CNTN5: variants seen among roughly 807,000 people sequenced by gnomAD.
The protein encoded by CNTN5 is contactin 5.
A neutral mutation model predicts 129.1 loss-of-function variants in CNTN5; 77 were observed. The observed-to-expected ratio is 0.60, with a 90% CI of 0.50 to 0.72. The LOEUF (loss-of-function observed/expected upper bound fraction) is 0.72. CNTN5 is among the 30% of genes least tolerant of loss of function. The probability of loss-of-function intolerance (pLI) is 0.00; values close to 1 mark genes in which losing one functional copy is unlikely to be tolerated. For missense variants in CNTN5, 1,478 were observed against 1,328.8 expected, an observed-to-expected ratio of 1.11 and a Z score of -1.75; for synonymous variants, 509 against 465.6, an observed-to-expected ratio of 1.09 and a Z score of -1.20.
chr11:99,381,076 T>C (rs1414355026), intron 2 of CNTN5, among the ~76,000 whole-genome samples: 2 of 152,158 alleles, frequency 1.3e-5, no homozygotes, highest in East Asian at 3.9e-4. Flanking sequence ...GATATCAGTA[T>C]GGTGCCCAAG....
intron 9 of CNTN5, among the ~76,000 whole-genome samples, chr11:100,057,033 G>C (rs1225635897): frequency 6.6e-6 from 1 of 151,440 alleles, no homozygotes; most frequent in Non-Finnish European, 1.5e-5. Flanking sequence ...GTTCCTGAAA[G>C]TAGAAAGTGT....
chr11:99,592,304 A>T (rs1950002598), intron 3 of CNTN5, among the ~76,000 whole-genome samples: 1 of 152,222 alleles, frequency 6.6e-6, no homozygotes, highest in African/African-American at 2.4e-5. Context: ...TTCCTATAAA[A>T]TCTGCAGATA....
At chr11:100,328,281 AG>A (rs1565431362) in intron 21 of CNTN5, among the ~76,000 whole-genome samples, 1 of 152,104 alleles carries the variant, frequency 6.6e-6, no homozygotes, top group Non-Finnish European at 1.5e-5. Context: ...ACTCTAGCCT[AG>A]GAGATCCAGG....
At chr11:99,600,839 T>C (rs955807707) in intron 3 of CNTN5, among the ~76,000 whole-genome samples, 1 of 152,184 alleles carries the variant, frequency 6.6e-6, no homozygotes, top group African/African-American at 2.4e-5. Flanking sequence ...ACACATAGGA[T>C]GACATTTTCA....
chr11:99,357,183 ATATGCGC>A (rs1461091147), intron 2 of CNTN5, among the ~76,000 whole-genome samples: 9 of 151,840 alleles, frequency 5.9e-5, no homozygotes, highest in Non-Finnish European at 1.0e-4. Context: ...GAACTCACAG[ATATGCGC>A]TTTTAAATTC....
intron 3 of CNTN5, among the ~76,000 whole-genome samples, chr11:99,731,758 A>G (rs1041784713): frequency 2.0e-5 from 3 of 152,158 alleles, no homozygotes; most frequent in African/African-American, 4.8e-5. Context: ...ACTAGAGTAG[A>G]TGCCTTAGAA....
chr11:99,044,154 G>A (rs893274829), intron 1 of CNTN5, among the ~76,000 whole-genome samples: 2 of 152,086 alleles, frequency 1.3e-5, no homozygotes, highest in African/African-American at 4.8e-5. Flanking sequence ...ATTATTACAT[G>A]CATGAAAACC....
At chr11:99,555,218 T>A (rs1948625694) in intron 2 of CNTN5, among the ~76,000 whole-genome samples, 1 of 152,010 alleles carries the variant, frequency 6.6e-6, no homozygotes, top group South Asian at 2.1e-4. Flanking sequence ...AGACTTCTAA[T>A]TTCATAAGGA....
At chr11:99,804,305 A>G (rs1021096367) in intron 3 of CNTN5, among the ~76,000 whole-genome samples, 1 of 152,154 alleles carries the variant, frequency 6.6e-6, no homozygotes, top group African/African-American at 2.4e-5. Context: ...TGTTTCCTAG[A>G]TTACTACTTA....
intron 2 of CNTN5, among the ~76,000 whole-genome samples, chr11:99,421,689 C>T (rs1016706626): frequency 6.6e-6 from 1 of 152,074 alleles, no homozygotes; most frequent in Admixed American, 6.5e-5. Flanking sequence ...TATAAATATA[C>T]ATTTAGGGGT....
chr11:99,486,393 A>G (rs978345711), intron 2 of CNTN5, among the ~76,000 whole-genome samples: 5 of 152,112 alleles, frequency 3.3e-5, no homozygotes, highest in Admixed American at 1.3e-4. Context: ...AAATCTTTGT[A>G]TCCAAGCATA....
chr11:99,309,441 T>C (rs2511797), intron 1 of CNTN5, among the ~76,000 whole-genome samples: 142,985 of 152,306 alleles, frequency 0.94, 67,170 homozygotes, highest in East Asian at 1. Context: ...ACCAGAAAAA[T>C]GATTTCCCTC....
chr11:99,843,435 A>C (rs1257086235), intron 4 of CNTN5, among the ~76,000 whole-genome samples: 1 of 152,184 alleles, frequency 6.6e-6, no homozygotes, highest in Non-Finnish European at 1.5e-5. Context: ...TAAGGTGTAC[A>C]TCTTTTCCCA....
intron 3 of CNTN5, among the ~76,000 whole-genome samples, chr11:99,680,748 G>T (rs559541888): frequency 1.3e-5 from 2 of 151,848 alleles, no homozygotes; most frequent in African/African-American, 4.8e-5. Flanking sequence ...AATATTAGAA[G>T]AATCACCGGC....
chr11:100,157,162 G>T (rs1947273009), intron 13 of CNTN5, among the ~76,000 whole-genome samples: 2 of 151,586 alleles, frequency 1.3e-5, no homozygotes, highest in Non-Finnish European at 2.9e-5. Flanking sequence ...GCAGTATTTT[G>T]TTTATTAAAC....
intron 2 of CNTN5, among the ~76,000 whole-genome samples, chr11:99,427,764 T>TA (rs1943192414): frequency 2.5e-5 from 1 of 40,102 alleles, no homozygotes; most frequent in Non-Finnish European, 4.0e-5. Flanking sequence ...AGACTCAGTC[T>TA]CAAAAAAAAA....
intron 15 of CNTN5, among the ~76,000 whole-genome samples, chr11:100,212,315 C>T (rs1949049797): frequency 6.6e-6 from 1 of 152,070 alleles, no homozygotes; most frequent in African/African-American, 2.4e-5. Context: ...AGCCATTTCC[C>T]TATTAAATAC....
At chr11:99,830,812 G>A (rs992877556) in intron 4 of CNTN5, among the ~76,000 whole-genome samples, 1 of 152,040 alleles carries the variant, frequency 6.6e-6, no homozygotes, top group Non-Finnish European at 1.5e-5. Context: ...TATGTGGTGT[G>A]AGCAAATACC....
At chr11:99,082,169 C>T (rs893807378) in intron 1 of CNTN5, among the ~76,000 whole-genome samples, 6 of 150,798 alleles carry the variant, frequency 4.0e-5, no homozygotes, top group Non-Finnish European at 5.9e-5. Context: ...TCATTGTAAC[C>T]GCCAGTGTTC....
Sources: allele counts gnomAD v4.1 joint callset (sites outside exome capture counted in the v4.1 genomes callset), GRCh38; gene constraint gnomAD v4.1.1; transcripts MANE v1.5; gene names NCBI Gene and HGNC (gene_info 2026-07-23, HGNC 2026-07-21).